PRRG4: variants seen among roughly 807,000 people sequenced by gnomAD.
PRRG4 encodes transmembrane gamma-carboxyglutamic acid protein 4.
Under a neutral mutation model 20.0 loss-of-function variants are expected in PRRG4, and 12 were observed. That is an observed-to-expected ratio of 0.60 (90% CI 0.38 to 0.97). The LOEUF is 0.97. PRRG4 is among the 50% of genes least tolerant of loss of function. The pLI, the probability that PRRG4 is intolerant of heterozygous loss-of-function variation, is 0.00. For missense variants in PRRG4, 199 were observed against 265.1 expected, an observed-to-expected ratio of 0.75 and a Z score of 1.73; for synonymous variants, 94 against 96.4, an observed-to-expected ratio of 0.98 and a Z score of 0.15.
chr11:32,836,899 T>C, intron 3 of PRRG4, 78 bp downstream of exon 3: 1 of 1,165,982 alleles, frequency 8.6e-7, no homozygotes, highest in South Asian at 1.4e-5. Context: ...TTATTAGAGA[T>C]TTTATGCCTT....
chr11:32,835,095 T>C lies in PRRG4; in HGVS notation c.104-1563T>C, dbSNP rs540659924. Among the ~76,000 whole-genome samples, 5 of 152,332 alleles carry C rather than the reference T, an allele frequency of 3.3e-5. No individual in the cohort carries two copies. In the East Asian group the frequency reaches 7.7e-4, roughly 23 times the overall value. ...TGCTGGGATTACAGGCATGAGCCAC[T>C]ACTCCCAGCCACAAGCTACATTTCA... On this transcript the variant is annotated intron_variant, in intron 2 of 5. Transcript: ENST00000257836.
rs2133443138 is a variant in PRRG4, at chr11:32,840,293, T to G, written c.449+54T>G. On this transcript the variant is annotated intron_variant, in intron 5 of 5. Coordinates refer to ENST00000257836, the MANE Select transcript of PRRG4 (RefSeq NM_024081.6). This position sits in a 1 kb window ranked among gnomAD's most constrained non-coding sequence, Gnocchi z 4.1. Reference sequence around the variant, plus strand: ...ATCACTAGACATTCTATATTATTATTTTAACAATGGGTCAAGCAAATGGCT... The same window carrying G: ...ATCACTAGACATTCTATATTATTATGTTAACAATGGGTCAAGCAAATGGCT... 1 of 1,299,210 alleles carries G rather than the reference T, an allele frequency of 7.7e-7. No homozygotes were observed. The highest frequency in any genetic ancestry group is 2.4e-5 in the East Asian group (1 of 42,188). The allele number at this position is 1,299,210 out of a possible 1,614,324, so 80.5% of individuals were successfully genotyped here.
At chr11:32,831,056 T>A (rs1850966390) in intron 2 of PRRG4, among the ~76,000 whole-genome samples, 1 of 152,172 alleles carries the variant, frequency 6.6e-6, no homozygotes, top group Non-Finnish European at 1.5e-5. Context: ...GGCTTGAATG[T>A]CTTCATCTGT....
Position 32,854,118 on chromosome 11 carries a change from T to C in PRRG4, c.*591T>C, listed in dbSNP as rs970730084. ...TTAAGAAGAAAGCACTTTTTTGTAA[T>C]GTTTGTTTTAATGGTTCAAAAAAAA... On this transcript the variant is annotated 3_prime_UTR_variant, in exon 6 of 6. Coordinates refer to ENST00000257836, the MANE Select transcript of PRRG4 (RefSeq NM_024081.6). 1.3e-5 allele frequency: 2 copies of C among 152,608 alleles called. No homozygotes were observed. The highest frequency in any genetic ancestry group is 4.8e-5 in the African/African-American group (2 of 41,458). 9.5% of individuals were successfully genotyped at this position (152,608 alleles called of 1,614,324 possible). A position where few individuals can be genotyped will look rare whatever the true frequency, so the allele number is the denominator to read the frequency against.
intron 5 of PRRG4, among the ~76,000 whole-genome samples, chr11:32,847,348 G>A (rs2133448564): frequency 6.6e-6 from 1 of 152,082 alleles, no homozygotes; most frequent in South Asian, 2.1e-4. Flanking sequence ...ATATATGAAT[G>A]GCCAACAAGC....
In PRRG4 at chr11:32,853,379, C is replaced by T. The variant is rs909218619; in HGVS notation, c.533C>T (p.Pro178Leu). ...RPEEAALSPL[P>L]PSVEDAGLPS... ...GAGGAGGCTGCCTTGTCTCCATTGC[C>T]GCCTTCTGTGGAGGATGCAGGATTA... Residue 178 changes from proline to leucine, a missense_variant, in exon 6 of 6, where the codon CCG becomes CTG. Transcript: ENST00000257836. 5 of 1,613,894 alleles carry T rather than the reference C, an allele frequency of 3.1e-6. No homozygotes were observed. Among genetic ancestry groups the T allele is most frequent in the African/African-American group, 1.3e-5 (1 of 74,860 alleles).
At chr11:32,832,507 G>A (rs1197637219) in intron 2 of PRRG4, among the ~76,000 whole-genome samples, 6 of 119,438 alleles carry the variant, frequency 5.0e-5, no homozygotes, top group African/African-American at 1.9e-4. Context: ...TTCAGACAGA[G>A]TCTCGCTCTG....
At position 32,836,657 on chromosome 11, in the gene PRRG4, G is replaced by A; in HGVS notation, c.104-1G>A. ...TTAAGTCTTTTTCATTACTTTATTA[G>A]TGTTTACATCAAAAGAAGAAGCAAA... On this transcript the variant is annotated splice_acceptor_variant, in intron 2 of 5. Transcript: ENST00000257836. LOFTEE classifies it high-confidence loss of function. The A allele has an allele frequency of 6.6e-7, 1 of 1,516,754 alleles. No homozygotes were observed. Among genetic ancestry groups the A allele is most frequent in the South Asian group, 1.2e-5 (1 of 85,812 alleles). The allele number at this position is 1,516,754 out of a possible 1,614,324, so 94.0% of individuals were successfully genotyped here. A position where few individuals can be genotyped will look rare whatever the true frequency, so the allele number is the denominator to read the frequency against.
chr11:32,851,618 A>G (rs1851184040), intron 5 of PRRG4, among the ~76,000 whole-genome samples: 2 of 152,196 alleles, frequency 1.3e-5, no homozygotes. Flanking sequence ...TATTACCTCA[A>G]AAGGAAAAAT....
chr11:32,845,656 A>C, intron 5 of PRRG4, among the ~76,000 whole-genome samples: 1 of 46,784 alleles, frequency 2.1e-5, no homozygotes, highest in Non-Finnish European at 3.6e-5. Flanking sequence ...CACTGTTCTT[A>C]TAAATGGCTA....
chr11:32,836,615 C>G, intron 2 of PRRG4, 43 bp from the exon 3 acceptor site: 6 of 1,183,846 alleles, frequency 5.1e-6, no homozygotes, highest in Non-Finnish European at 7.1e-6. Context: ...AATTTTTTGA[C>G]TATATTTGAT....
chr11:32,849,152 CA>C (rs1851158715), intron 5 of PRRG4, among the ~76,000 whole-genome samples: 1 of 151,814 alleles, frequency 6.6e-6, no homozygotes, highest in South Asian at 2.1e-4. Context: ...GGCTTGAGCC[CA>C]GGAGTTCAAG....
intron 2 of PRRG4, among the ~76,000 whole-genome samples, chr11:32,832,279 T>C (rs920174693): frequency 6.6e-6 from 1 of 152,128 alleles, no homozygotes; most frequent in Non-Finnish European, 1.5e-5. Context: ...GGAGGCAGGG[T>C]GTTTGTTAAA....
At chr11:32,846,584 T>A (rs1449187033) in intron 5 of PRRG4, among the ~76,000 whole-genome samples, 1 of 146,544 alleles carries the variant, frequency 6.8e-6, no homozygotes, top group East Asian at 1.9e-4. Context: ...GTACTAGAGC[T>A]GGGAGAAACA....
intron 5 of PRRG4, among the ~76,000 whole-genome samples, chr11:32,843,144 G>A (rs922743654): frequency 6.6e-6 from 1 of 152,064 alleles, no homozygotes; most frequent in Non-Finnish European, 1.5e-5. Flanking sequence ...TGCCCAGCCA[G>A]AAGAAAGTTT....
intron 5 of PRRG4, among the ~76,000 whole-genome samples, chr11:32,847,170 G>C (rs149288261): frequency 6.6e-6 from 1 of 151,796 alleles, no homozygotes; most frequent in South Asian, 2.1e-4. Flanking sequence ...ACAGAGTTTC[G>C]CTCTTGTTGC....
chr11:32,834,228 C>A (rs1590667648), intron 2 of PRRG4, among the ~76,000 whole-genome samples: 1 of 152,132 alleles, frequency 6.6e-6, no homozygotes, highest in South Asian at 2.1e-4. Flanking sequence ...TTTAAAGGGC[C>A]CTCTTTGGCT....
intron 1 of PRRG4, 101 bp downstream of exon 1, chr11:32,830,274 G>A: frequency 1.0e-6 from 1 of 953,672 alleles, no homozygotes; most frequent in Non-Finnish European, 1.4e-6. Flanking sequence ...AGGGTTGCCC[G>A]CGGCGACAGG....
Position 32,853,698 on chromosome 11 carries a change from C to T in PRRG4, c.*171C>T. The T allele has an allele frequency of 3.6e-6, 2 of 556,298 alleles. No homozygotes were observed. Among genetic ancestry groups the T allele is most frequent in the Non-Finnish European group, 6.4e-6 (2 of 311,402 alleles). The allele number at this position is 556,298 out of a possible 1,614,324, so 34.5% of individuals were successfully genotyped here. A position where few individuals can be genotyped will look rare whatever the true frequency, so the allele number is the denominator to read the frequency against. ...CAAAAATTACCTAGGCGTCATGGGG[C>T]ATGCCTGTAGTCCCACCTACTTGGG... is the stretch of plus-strand genomic sequence containing the variant. On this transcript the variant is annotated 3_prime_UTR_variant, in exon 6 of 6. Coordinates refer to ENST00000257836, the MANE Select transcript of PRRG4 (RefSeq NM_024081.6).
Sources: allele counts gnomAD v4.1 joint callset (sites outside exome capture counted in the v4.1 genomes callset), GRCh38; gene constraint gnomAD v4.1.1; non-coding constraint Gnocchi (gnomAD v3.1); transcripts MANE v1.5; gene names NCBI Gene and HGNC (gene_info 2026-07-23, HGNC 2026-07-21).